The following USP42 variants were observed in gnomAD, a reference collection of about 807,000 sequenced individuals.
USP42 encodes ubiquitin carboxyl-terminal hydrolase 42.
Under a neutral mutation model 113.0 loss-of-function variants are expected in USP42, and 23 were observed. The observed-to-expected ratio is 0.20, with a 90% CI of 0.15 to 0.29. USP42 has a LOEUF of 0.29. Ranked by LOEUF, USP42 falls within the 10% of genes least tolerant of loss-of-function variation. The pLI is 1.00. For synonymous variants in USP42, 933 were observed against 699.0 expected, an observed-to-expected ratio of 1.33 and a Z score of -5.28; for missense variants, 2,174 against 1,779.8, an observed-to-expected ratio of 1.22 and a Z score of -3.99.
intron 3 of USP42, among the ~76,000 whole-genome samples, chr7:6,127,279 G>A (rs773547831): frequency 6.6e-6 from 1 of 152,142 alleles, no homozygotes; most frequent in Non-Finnish European, 1.5e-5. Flanking sequence ...TACAGACAGA[G>A]GTTTTTAATT....
At chr7:6,108,758 C>T (rs924802762) in intron 1 of USP42, among the ~76,000 whole-genome samples, 1 of 152,100 alleles carries the variant, frequency 6.6e-6, no homozygotes. Flanking sequence ...GGATTACAGG[C>T]GTGAGCCACT....
intron 4 of USP42, among the ~76,000 whole-genome samples, chr7:6,136,348 A>C (rs573266167): frequency 6.6e-6 from 1 of 151,920 alleles, no homozygotes; most frequent in African/African-American, 2.4e-5. Context: ...AAAAAACCGA[A>C]CCCGTCATGT....
chr7:6,145,374 G>A, intron 9 of USP42, 142 bp from the exon 10 acceptor site: 4 of 919,706 alleles, frequency 4.3e-6, no homozygotes, highest in Non-Finnish European at 6.4e-6. Context: ...TTTTTTAAAT[G>A]CATTAGGTTT....
chr7:6,157,409 T>G lies in USP42; in HGVS notation c.3943+354T>G. The G allele has an allele frequency of 1.0e-6, 1 of 980,366 alleles. No individual in the cohort carries two copies. The highest frequency in any genetic ancestry group is 1.2e-6 in the Non-Finnish European group (1 of 824,652). 60.7% of individuals were successfully genotyped at this position (980,366 alleles called of 1,614,324 possible). ...ATTTTATTTTATTTTATTTATTTTATTTTTTGAGACGGAGTCTTGCTCTAT... is the reference window on the plus strand; with the variant it reads ...ATTTTATTTTATTTTATTTATTTTAGTTTTTGAGACGGAGTCTTGCTCTAT... On this transcript the variant is annotated intron_variant, in intron 16 of 17. Transcript: ENST00000306177. This position sits in a 1 kb window ranked among gnomAD's most constrained non-coding sequence, Gnocchi z 4.1.
In USP42 at chr7:6,159,351, AGT is replaced by A; in HGVS notation, c.3944-97_3944-96del. 6 of 1,532,566 alleles carry A rather than the reference AGT, an allele frequency of 3.9e-6. No homozygotes were observed. Among genetic ancestry groups the A allele is most frequent in the Non-Finnish European group, 5.4e-6 (6 of 1,114,236 alleles). The allele number at this position is 1,532,566 out of a possible 1,614,324, so 94.9% of individuals were successfully genotyped here. ...GCCTCAGGCGCTCACAGGGAACCGC[AGT>A]GACTCTGACCATAGCCACTTAACGC... On this transcript the variant is annotated intron_variant, in intron 16 of 17. Transcript: ENST00000306177. This position sits in a 1 kb window ranked among gnomAD's most constrained non-coding sequence, Gnocchi z 4.1.
intron 9 of USP42, among the ~76,000 whole-genome samples, chr7:6,145,068 T>G (rs1781637957): frequency 6.6e-6 from 1 of 152,202 alleles, no homozygotes; most frequent in South Asian, 2.1e-4. Flanking sequence ...GTGCAGTGGC[T>G]CATGCCTATA....
At chr7:6,093,982 C>T in the USP42 span, among the ~76,000 whole-genome samples, 6 of 150,844 alleles carry the variant, frequency 4.0e-5, no homozygotes, top group African/African-American at 5.0e-5. Flanking sequence ...CTCCACCTCC[C>T]GGGTTGAAGT....
At chr7:6,085,616 A>AT in the USP42 span, among the ~76,000 whole-genome samples, 1,452 of 138,314 alleles carry the variant, frequency 0.01, 111 homozygotes, top group African/African-American at 0.041. Flanking sequence ...ATATATATAT[A>AT]TATATATATT....
At position 6,154,835 on chromosome 7, in the gene USP42, A is replaced by C; in HGVS notation, c.3281A>C (p.Lys1094Thr). 10 of 1,540,146 alleles carry C rather than the reference A, an allele frequency of 6.5e-6. No individual in the cohort carries two copies. The highest frequency in any genetic ancestry group is 8.8e-6 in the Non-Finnish European group (10 of 1,141,018). Residue 1094 changes from lysine to threonine, a missense_variant, in exon 15 of 18, where the codon AAG becomes ACG. Coordinates refer to ENST00000306177, the MANE Select transcript of USP42 (RefSeq NM_032172.3). ...ERAGLHERPH[K>T]DHNRGRRGCE... Reference sequence around the variant, plus strand: ...GCCGGGCTGCACGAGCGGCCGCACAAGGACCACAACCGGGGCCGTAGGGGC... The same window carrying C: ...GCCGGGCTGCACGAGCGGCCGCACACGGACCACAACCGGGGCCGTAGGGGC...
chr7:6,156,779 G>A lies in USP42; in HGVS notation c.3667G>A (p.Ala1223Thr). 2 of 1,573,254 alleles carry A rather than the reference G, an allele frequency of 1.3e-6. No individual in the cohort carries two copies. Among genetic ancestry groups the A allele is most frequent in the Non-Finnish European group, 1.7e-6 (2 of 1,164,364 alleles). ...GCATCAGCAGGACTCAGACCTCTCAGCAGCGTGCTCTGACGCTGACCTCCA... is the reference window on the plus strand; with the variant it reads ...GCATCAGCAGGACTCAGACCTCTCAACAGCGTGCTCTGACGCTGACCTCCA... The part of the protein sequence containing the change: ...SRHQQDSDLS[A>T]ACSDADLHRH... Residue 1223 changes from alanine (A) to threonine (T), a missense_variant, in exon 16 of 18, where the codon GCA becomes ACA. Physicochemically the swap from Ala to Thr is moderately conservative, Grantham distance 58. Transcript: ENST00000306177.
intron 7 of USP42, 25 bp from the exon 8 acceptor site, chr7:6,142,907 G>T: frequency 6.2e-7 from 1 of 1,612,544 alleles, no homozygotes; most frequent in African/African-American, 1.3e-5. Flanking sequence ...CGGTGATGTG[G>T]TGTTTGTGCC....
At chr7:6,083,300 G>C in the USP42 span, among the ~76,000 whole-genome samples, 1 of 145,746 alleles carries the variant, frequency 6.9e-6, no homozygotes, top group African/African-American at 2.6e-5. Flanking sequence ...CTGTGGCCCA[G>C]GCTGGAGTGC....
At position 6,155,148 on chromosome 7, in the gene USP42, A is replaced by C. The variant is rs1033485006; in HGVS notation, c.3594A>C (p.Ser1198=). 33 of 1,546,272 alleles carry C rather than the reference A, an allele frequency of 2.1e-5. No individual in the cohort carries two copies. In the African/African-American group the frequency reaches 4.3e-4, roughly 20 times the overall value. Residue 1198 remains serine (S), a synonymous_variant, in exon 15 of 18, where the codon TCA becomes TCC. Coordinates refer to ENST00000306177, the MANE Select transcript of USP42 (RefSeq NM_032172.3). ...EEPKAKKHKK[S]KKKKKSKDKH... ...CTAAAGCAAAGAAGCACAAAAAATC[A>C]AAGAAGAAAAAGAAATCCAAAGACA... is the stretch of plus-strand genomic sequence containing the variant.
chr7:6,154,561 G>A lies in USP42; in HGVS notation c.3007G>A (p.Gly1003Ser), dbSNP rs1359810894. The change falls in exon 15 of 18, where the codon GGC (glycine) becomes AGC (serine). Residue 1003 changes from glycine to serine, a missense_variant. Gly to Ser is a moderately conservative substitution (Grantham distance 56, BLOSUM62 0). Transcript: ENST00000306177. ...CGCCCCGGAGCACCACCCCGGCCAC[G>A]GCGACAGGCTCAGCCCTGGCGAGCG... is the stretch of plus-strand genomic sequence containing the variant. ...RHAPEHHPGHGDRLSPGERRS... is the reference protein window; with the variant it reads ...RHAPEHHPGHSDRLSPGERRS... 1 of 1,552,204 alleles carries A rather than the reference G, an allele frequency of 6.4e-7. No homozygotes were observed. Among genetic ancestry groups the A allele is most frequent in the Non-Finnish European group, 8.7e-7 (1 of 1,150,400 alleles).
At chr7:6,104,330 C>T (rs1260145057), upstream of USP42, among the ~76,000 whole-genome samples, 2 of 152,038 alleles carry the variant, frequency 1.3e-5, no homozygotes, top group Non-Finnish European at 2.9e-5. Context: ...GATCCGCCCG[C>T]CTCGGCCTCC....
the USP42 span, among the ~76,000 whole-genome samples, chr7:6,094,359 C>G: frequency 0.081 from 12,170 of 150,544 alleles, 1,011 homozygotes; most frequent in African/African-American, 0.15. Context: ...TTTGTAGAGT[C>G]AGGGTCTCCC....
chr7:6,101,855 G>T (rs1241985354), upstream of USP42, among the ~76,000 whole-genome samples: 1 of 150,032 alleles, frequency 6.7e-6, no homozygotes, highest in Non-Finnish European at 1.5e-5. Flanking sequence ...GAGGTGGGCA[G>T]ATCACTTGAG....
At position 6,161,401 on chromosome 7, in the gene USP42, AAT is replaced by A. The variant is rs1782780366; in HGVS notation, c.*885_*886del. 1 of 152,620 alleles carries A rather than the reference AAT, an allele frequency of 6.6e-6. No homozygotes were observed. The highest frequency in any genetic ancestry group is 6.5e-5 in the Admixed American group (1 of 15,274). The allele number at this position is 152,620 out of a possible 1,614,324, so 9.5% of individuals were successfully genotyped here. On this transcript the variant is annotated 3_prime_UTR_variant, in exon 18 of 18. Coordinates refer to ENST00000306177, the MANE Select transcript of USP42 (RefSeq NM_032172.3). ...AGATGGAGTGGGGAAAACTGTATTT[AAT>A]ACAGTTTGTATCTGAATAATCTGTA...
chr7:6,094,790 T>C, the USP42 span, among the ~76,000 whole-genome samples: 1 of 147,836 alleles, frequency 6.8e-6, no homozygotes, highest in East Asian at 1.9e-4. Flanking sequence ...TTTCAGGGCT[T>C]CCACTTGTTC....
Sources: gnomAD v4.1 joint callset for allele counts (sites outside exome capture counted in the v4.1 genomes callset) on GRCh38, gnomAD v4.1.1 for gene constraint, Gnocchi (gnomAD v3.1) non-coding constraint, MANE v1.5 for transcripts, NCBI Gene and HGNC (gene_info 2026-07-23, HGNC 2026-07-21) for gene names.